SCN9A: variants seen among roughly 807,000 people sequenced by gnomAD.
SCN9A encodes the protein sodium voltage-gated channel alpha subunit 9.
SCN9A carries 131 observed loss-of-function variants against 187.0 expected under a neutral mutation model. That is an observed-to-expected ratio of 0.70 (90% CI 0.61 to 0.81). SCN9A has a LOEUF of 0.81. SCN9A is among the 30% of genes least tolerant of loss of function. The pLI is 0.00. For synonymous variants in SCN9A, 809 were observed against 808.6 expected, an observed-to-expected ratio of 1.00 and a Z score of -0.01; for missense variants, 2,252 against 2,396.6, an observed-to-expected ratio of 0.94 and a Z score of 1.26.
At chr2:166,201,951 T>C (rs1558943172) in intron 26 of SCN9A, among the ~76,000 whole-genome samples, 1 of 151,842 alleles carries the variant, frequency 6.6e-6, no homozygotes, top group Non-Finnish European at 1.5e-5. Flanking sequence ...TGTTTTGTTA[T>C]TTTGTATCCT....
intron 17 of SCN9A, among the ~76,000 whole-genome samples, chr2:166,264,744 G>A (rs554694129): frequency 2.6e-5 from 4 of 151,962 alleles, no homozygotes; most frequent in Non-Finnish European, 5.9e-5. Context: ...TAAAAGAGAG[G>A]GTTTTTGGGT....
At chr2:166,327,811 T>C (rs1159899384) in intron 1 of SCN9A, among the ~76,000 whole-genome samples, 2 of 152,164 alleles carry the variant, frequency 1.3e-5, no homozygotes, top group African/African-American at 4.8e-5. Flanking sequence ...TCCAGGCCAT[T>C]TCACTAAAAG....
intron 9 of SCN9A, among the ~76,000 whole-genome samples, chr2:166,290,074 AC>A (rs1196876710): frequency 7.2e-6 from 1 of 139,148 alleles, no homozygotes; most frequent in East Asian, 2.2e-4. Flanking sequence ...CTTGCCTCCC[AC>A]CCCCCAACAG....
chr2:166,351,687 C>A (rs1477188550), intron 1 of SCN9A, among the ~76,000 whole-genome samples: 1 of 152,120 alleles, frequency 6.6e-6, no homozygotes, highest in African/African-American at 2.4e-5. Flanking sequence ...AGTCATTAGT[C>A]TTGGGGGTTG....
Position 166,284,400 on chromosome 2 carries a change from C to T in SCN9A, c.1974+53G>A, listed in dbSNP as rs530267927. 28 of 1,551,398 alleles carry T rather than the reference C, an allele frequency of 1.8e-5. No homozygotes were observed. The Admixed American group carries it at 2.9e-4, about 16-fold the overall frequency. ...GAAGGCCCTTCAGCAGAGAGACTGA[C>T]TGATGCAGGAACAAGGGCCCAGCCA... On this transcript the variant is annotated intron_variant, in intron 12 of 26. Transcript: ENST00000642356.
At chr2:166,341,259 ATAATTTT>A (rs1699779034) in intron 1 of SCN9A, among the ~76,000 whole-genome samples, 1 of 152,228 alleles carries the variant, frequency 6.6e-6, no homozygotes, top group African/African-American at 2.4e-5. Flanking sequence ...ACACTGGTTT[ATAATTTT>A]CACAGCTCTT....
chr2:166,242,651 C>G lies in SCN9A; in HGVS notation c.3478G>C (p.Val1160Leu). The G allele has an allele frequency of 6.5e-7, 1 of 1,546,272 alleles. No homozygotes were observed. The highest frequency in any genetic ancestry group is 8.7e-7 in the Non-Finnish European group (1 of 1,143,704). Residue 1160 changes from valine (V) to leucine (L), a missense_variant, in exon 19 of 27, where the codon GTA becomes CTA. Val to Leu is a conservative substitution (Grantham distance 32, BLOSUM62 1). This residue lies in a region of SCN9A where 313 missense variants were observed against 295.3 expected (regional missense o/e 1.06). Transcript: ENST00000642356. ...ACTTGGCAGCATGAGAACCTCCATACACAACCTGACAAGAAAGACATGCAT... is the reference window on the plus strand; with the variant it reads ...ACTTGGCAGCATGAGAACCTCCATAGACAACCTGACAAGAAAGACATGCAT... ...EPEACFTDGC[V>L]WRFSCCQVNI...
At chr2:166,224,522 T>C (rs1013860511) in intron 24 of SCN9A, among the ~76,000 whole-genome samples, 1 of 152,172 alleles carries the variant, frequency 6.6e-6, no homozygotes, top group African/African-American at 2.4e-5. Flanking sequence ...AGATCTCTTT[T>C]TGTATAGGTG....
At chr2:166,240,358 A>G (rs1287997369) in intron 19 of SCN9A, among the ~76,000 whole-genome samples, 2 of 152,188 alleles carry the variant, frequency 1.3e-5, no homozygotes, top group African/African-American at 2.4e-5. Context: ...CTTTTAAAAA[A>G]TCTAGTTTAA....
At chr2:166,318,960 T>C (rs1165540850) in intron 1 of SCN9A, among the ~76,000 whole-genome samples, 1 of 152,066 alleles carries the variant, frequency 6.6e-6, no homozygotes, top group Non-Finnish European at 1.5e-5. Context: ...AAATAGTAGA[T>C]AGGAAATAAT....
chr2:166,210,875 C>A (rs150650958), intron 24 of SCN9A, among the ~76,000 whole-genome samples: 9,924 of 152,070 alleles, frequency 0.065, 379 homozygotes, highest in Non-Finnish European at 0.089. Context: ...GCCTGGCCAA[C>A]ATGGCAAAAC....
At chr2:166,322,605 C>A (rs1699271640) in intron 1 of SCN9A, among the ~76,000 whole-genome samples, 1 of 152,132 alleles carries the variant, frequency 6.6e-6, no homozygotes, top group Admixed American at 6.6e-5. Flanking sequence ...AGATTATTAA[C>A]TTGTCTCATC....
At chr2:166,332,604 A>G (rs558272974) in intron 1 of SCN9A, among the ~76,000 whole-genome samples, 54 of 152,242 alleles carry the variant, frequency 3.5e-4, no homozygotes, top group African/African-American at 1.3e-3. Context: ...AATCCATTTC[A>G]ATATTGTTCC....
intron 24 of SCN9A, among the ~76,000 whole-genome samples, chr2:166,213,151 T>C (rs1352615893): frequency 6.6e-6 from 1 of 151,544 alleles, no homozygotes; most frequent in Non-Finnish European, 1.5e-5. Context: ...GTAAGTGAAA[T>C]AGAGAATAAA....
intron 8 of SCN9A, 134 bp from the exon 9 acceptor site, chr2:166,293,506 T>A: frequency 1.4e-6 from 1 of 738,226 alleles, no homozygotes. Context: ...ATACATGATT[T>A]GGCTACTGAC....
intron 17 of SCN9A, among the ~76,000 whole-genome samples, chr2:166,268,196 A>G (rs1325151334): frequency 6.6e-6 from 1 of 152,000 alleles, no homozygotes; most frequent in African/African-American, 2.4e-5. Context: ...ACATAAATAA[A>G]CTGAAAAAAA....
rs111899000 is a variant in SCN9A at position 166,350,540 on chromosome 2, C to T, written c.-51+25157G>A. ...CATAGGGGTATACTTTAGTAATTCA[C>T]TAATGAAATTTTGTAAATGATAATC... On this transcript the variant is annotated intron_variant, in intron 1 of 26. Transcript: ENST00000642356. 4.7e-3 allele frequency among the ~76,000 whole-genome samples: 715 copies of T among 152,292 alleles called. 5 individuals are homozygous for T. The highest frequency in any genetic ancestry group is 0.016 in the African/African-American group (647 of 41,562).
chr2:166,229,387 A>G (rs1694987022), intron 21 of SCN9A, among the ~76,000 whole-genome samples: 1 of 152,122 alleles, frequency 6.6e-6, no homozygotes, highest in Non-Finnish European at 1.5e-5. Flanking sequence ...TGAAAAATAT[A>G]TATTTATATA....
chr2:166,368,668 T>A (rs1227732852), intron 1 of SCN9A, among the ~76,000 whole-genome samples: 1 of 134,380 alleles, frequency 7.4e-6, no homozygotes, highest in African/African-American at 3.0e-5. Flanking sequence ...ATCCTGCAAA[T>A]GTACCTTGAA....
Sources: allele counts gnomAD v4.1 joint callset (sites outside exome capture counted in the v4.1 genomes callset), GRCh38; gene constraint gnomAD v4.1.1; regional missense constraint gnomAD v4.1.1; transcripts MANE v1.5; gene names NCBI Gene and HGNC (gene_info 2026-07-23, HGNC 2026-07-21).